ZNF469: variants seen among roughly 807,000 people sequenced by gnomAD.
The protein encoded by ZNF469 is zinc finger protein 469.
ZNF469 carries 1 observed loss-of-function variant against 1.0 expected under a neutral mutation model. The observed-to-expected ratio is 1.00, with a 90% CI of 0.35 to 4.73. ZNF469 has a LOEUF of 4.73. Ranked by LOEUF, ZNF469 falls within the 30% of genes most tolerant of loss-of-function variation. The probability of loss-of-function intolerance (pLI) is 0.16; values close to 1 mark genes in which losing one functional copy is unlikely to be tolerated. For missense variants in ZNF469, 6,100 were observed against 5,356.3 expected (o/e 1.14, Z -4.33); for synonymous variants, 2,703 against 2,363.4 (o/e 1.14, Z -4.17).
chr16:88,248,539 A>G, the ZNF469 span, among the ~76,000 whole-genome samples: 7 of 152,198 alleles, frequency 4.6e-5, no homozygotes, highest in Non-Finnish European at 8.8e-5. Context: ...TCTCAAAAAA[A>G]CAATTCCCCC....
the ZNF469 span, among the ~76,000 whole-genome samples, chr16:88,180,027 T>C: frequency 1.1e-4 from 17 of 152,244 alleles, no homozygotes; most frequent in Admixed American, 9.8e-4. Context: ...AAGGCAATAG[T>C]GAAGATAAAA....
At chr16:88,383,917 G>T (rs1049916893) in intron 1 of ZNF469, among the ~76,000 whole-genome samples, 2 of 152,206 alleles carry the variant, frequency 1.3e-5, no homozygotes, top group African/African-American at 4.8e-5. Context: ...TGGGGACGCG[G>T]CGCCCCGCGT....
At chr16:88,272,376 G>A in the ZNF469 span, among the ~76,000 whole-genome samples, 3 of 142,572 alleles carry the variant, frequency 2.1e-5, no homozygotes, top group East Asian at 6.3e-4. Context: ...GGATGGATGG[G>A]TGGGTAGGTG....
the ZNF469 span, among the ~76,000 whole-genome samples, chr16:88,321,728 A>G: frequency 3.3e-5 from 5 of 151,272 alleles, no homozygotes; most frequent in South Asian, 8.4e-4. Context: ...CTGATTGGAC[A>G]TGACCCTTGG....
chr16:88,390,016 T>C (rs1471263528), intron 1 of ZNF469, among the ~76,000 whole-genome samples: 1 of 152,192 alleles, frequency 6.6e-6, no homozygotes. Flanking sequence ...ACGCTGTTCG[T>C]CCTTGCACAG....
chr16:88,283,780 G>T, the ZNF469 span, among the ~76,000 whole-genome samples: 1 of 151,904 alleles, frequency 6.6e-6, no homozygotes, highest in Non-Finnish European at 1.5e-5. Context: ...CGAGGTCTGC[G>T]GAGGCTGGTA....
the ZNF469 span, among the ~76,000 whole-genome samples, chr16:88,372,059 CCACCATCATCACCATCA>C: frequency 1.9e-4 from 1 of 5,148 alleles, no homozygotes; most frequent in Non-Finnish European, 3.9e-4. Context: ...ACCATGATTA[CCACCATCATCACCATCA>C]CCACCATCAT....
chr16:88,388,768 G>A (rs887095311), intron 1 of ZNF469, among the ~76,000 whole-genome samples: 1 of 151,314 alleles, frequency 6.6e-6, no homozygotes, highest in Non-Finnish European at 1.5e-5. Flanking sequence ...GGAGAGCCTG[G>A]TGCCAGGGCC....
At chr16:88,120,919 T>A in the ZNF469 span, among the ~76,000 whole-genome samples, 1 of 152,112 alleles carries the variant, frequency 6.6e-6, no homozygotes, top group Non-Finnish European at 1.5e-5. Context: ...GGTTTCTTGG[T>A]CCTCAGCCAT....
the ZNF469 span, among the ~76,000 whole-genome samples, chr16:88,230,941 C>T: frequency 2.0e-5 from 3 of 152,108 alleles, no homozygotes; most frequent in South Asian, 6.2e-4. Flanking sequence ...GTGCCATGGG[C>T]CAGAGCCTTT....
chr16:88,268,345 G>A, the ZNF469 span, among the ~76,000 whole-genome samples: 2 of 152,034 alleles, frequency 1.3e-5, no homozygotes, highest in South Asian at 4.2e-4. Context: ...ACAGACAAAT[G>A]TCAGACTTGG....
At position 88,432,866 on chromosome 16, in the gene ZNF469, C is replaced by T. The variant is rs1406575055; in HGVS notation, c.5396C>T (p.Pro1799Leu). Residue 1799 changes from proline to leucine, a missense_variant, in exon 3 of 3, where the codon CCT becomes CTT. By Grantham distance (98) the Pro-to-Leu change is moderately conservative. Coordinates refer to ENST00000565624, the MANE Select transcript of ZNF469 (RefSeq NM_001367624.2). Reference protein sequence around the residue: ...GAPAPEAFGSPAVHLAPDLAF... With the variant: ...GAPAPEAFGSLAVHLAPDLAF... Reference sequence around the variant, plus strand: ...CCTGCTCCAGAAGCTTTTGGCAGCCCTGCTGTCCATCTGGCCCCTGACTTG... The same window carrying T: ...CCTGCTCCAGAAGCTTTTGGCAGCCTTGCTGTCCATCTGGCCCCTGACTTG... The T allele has an allele frequency of 6.5e-6, 10 of 1,550,196 alleles. No homozygotes were observed. In the African/African-American group the frequency reaches 9.6e-5, roughly 15 times the overall value.
the ZNF469 span, among the ~76,000 whole-genome samples, chr16:88,212,043 C>T: frequency 1.3e-5 from 2 of 152,236 alleles, no homozygotes; most frequent in Non-Finnish European, 2.9e-5. Context: ...AAGTGGAATT[C>T]AGTTGCCTTG....
At position 88,427,723 on chromosome 16, in the gene ZNF469, A is replaced by G. The variant is rs1203017428; in HGVS notation, c.253A>G (p.Ser85Gly). ...PPSLRGQAPS[S>G]TPGKRGSPQT... ...ATCCCTGAGAGGCCAGGCCCCGAGC[A>G]GCACCCCTGGGAAGAGGGGCAGCCC... The change falls in exon 3 of 3, where the codon AGC becomes GGC. Residue 85 changes from serine (S) to glycine (G), a missense_variant. Transcript: ENST00000565624. 2 of 1,536,228 alleles carry G rather than the reference A, an allele frequency of 1.3e-6. No individual in the cohort carries two copies. The highest frequency in any genetic ancestry group is 1.8e-6 in the Non-Finnish European group (2 of 1,142,802).
the ZNF469 span, among the ~76,000 whole-genome samples, chr16:88,352,611 T>G: frequency 6.6e-6 from 1 of 152,240 alleles, no homozygotes; most frequent in Non-Finnish European, 1.5e-5. Context: ...TTCCCAGAAC[T>G]GGTAGACGGG....
chr16:88,227,371 C>G, the ZNF469 span, among the ~76,000 whole-genome samples: 1 of 152,154 alleles, frequency 6.6e-6, no homozygotes, highest in Non-Finnish European at 1.5e-5. Flanking sequence ...TCAGCCGTGC[C>G]TGGCCTCAGG....
At chr16:88,184,245 C>T in the ZNF469 span, among the ~76,000 whole-genome samples, 1 of 152,084 alleles carries the variant, frequency 6.6e-6, no homozygotes, top group African/African-American at 2.4e-5. Flanking sequence ...GGCCGAATTC[C>T]GGGGTCACGG....
At chr16:88,138,926 G>A in the ZNF469 span, among the ~76,000 whole-genome samples, 4 of 152,222 alleles carry the variant, frequency 2.6e-5, no homozygotes, top group African/African-American at 9.6e-5. Context: ...TTCACCATTC[G>A]GCTGCCTGGA....
At chr16:88,257,465 CT>C in the ZNF469 span, among the ~76,000 whole-genome samples, 1 of 152,122 alleles carries the variant, frequency 6.6e-6, no homozygotes, top group African/African-American at 2.4e-5. Flanking sequence ...TGTGGCTTGT[CT>C]TTTCATTTTT....
Sources: gnomAD v4.1 joint callset for allele counts (sites outside exome capture counted in the v4.1 genomes callset) on GRCh38, gnomAD v4.1.1 for gene constraint, MANE v1.5 for transcripts, NCBI Gene and HGNC (gene_info 2026-07-23, HGNC 2026-07-21) for gene names.